The following MPDU1 variants were observed in gnomAD, a reference collection of about 807,000 sequenced individuals.
MPDU1 encodes the protein mannose-P-dolichol utilization defect 1, also known as mannose-P-dolichol utilization defect 1 protein.
MPDU1 carries 18 observed loss-of-function variants against 27.6 expected under a neutral mutation model. The observed-to-expected ratio is 0.65, with a 90% confidence interval of 0.45 to 0.97. The LOEUF is 0.97. Ranked by LOEUF, MPDU1 falls within the 50% of genes least tolerant of loss-of-function variation. The pLI is 0.00. For missense variants in MPDU1, 279 were observed against 297.4 expected, an observed-to-expected ratio of 0.94 and a Z score of 0.46; for synonymous variants, 142 against 131.1, an observed-to-expected ratio of 1.08 and a Z score of -0.57.
chr17:7,586,105 G>A (rs1188380051), intron 3 of MPDU1, 27 bp downstream of exon 3: 1 of 1,612,324 alleles, frequency 6.2e-7, no homozygotes, highest in East Asian at 2.2e-5. Flanking sequence ...TCCACCCCAA[G>A]GGTAATACCC....
chr17:7,584,517 G>A (rs2071547977), intron 1 of MPDU1, among the ~76,000 whole-genome samples: 1 of 152,176 alleles, frequency 6.6e-6, no homozygotes, highest in African/African-American at 2.4e-5. Flanking sequence ...TTGAGCTCGT[G>A]GGGCACTTTG....
At chr17:7,584,265 T>A (rs930575937) in intron 1 of MPDU1, 1 of 590,080 alleles carries the variant, frequency 1.7e-6, no homozygotes, top group Non-Finnish European at 3.0e-6. Flanking sequence ...CATGCCAACC[T>A]TTATTAGATC....
Position 7,587,061 on chromosome 17 carries a change from G to C in MPDU1, c.507+44G>C, listed in dbSNP as rs2302661. ...GGACAAGATGTTGTGGGGGCAGGGTGGGGGGGAAGAGTAGAAGATCAAAGT... is the reference window on the plus strand; with the variant it reads ...GGACAAGATGTTGTGGGGGCAGGGTCGGGGGGAAGAGTAGAAGATCAAAGT... On this transcript the variant is annotated intron_variant, in intron 5 of 6. Transcript: ENST00000250124. The C allele has an allele frequency of 0.56, 814,810 of 1,451,628 alleles. 238,653 individuals are homozygous for C. The highest frequency in any genetic ancestry group is 0.64 in the Middle Eastern group (3,692 of 5,778). 89.9% of individuals were successfully genotyped at this position (1,451,628 alleles called of 1,614,324 possible).
intron 1 of MPDU1, among the ~76,000 whole-genome samples, chr17:7,585,143 A>G (rs533035634): frequency 6.6e-6 from 1 of 152,326 alleles, no homozygotes; most frequent in Admixed American, 6.5e-5. Flanking sequence ...GAAGCAATGG[A>G]GAGCCGTGGA....
At chr17:7,584,713 C>T (rs1282223609) in intron 1 of MPDU1, among the ~76,000 whole-genome samples, 1 of 152,136 alleles carries the variant, frequency 6.6e-6, no homozygotes, top group Non-Finnish European at 1.5e-5. Flanking sequence ...TGGTATGGGG[C>T]GGGCACGGTG....
intron 1 of MPDU1, 164 bp from the exon 2 acceptor site, chr17:7,585,568 C>T: frequency 3.1e-6 from 2 of 640,834 alleles, no homozygotes; most frequent in Non-Finnish European, 5.5e-6. Flanking sequence ...TGGTTTGGAG[C>T]AGGAAGGACC....
intron 5 of MPDU1, 50 bp downstream of exon 5, chr17:7,587,067 G>GGGCA: frequency 1.9e-6 from 2 of 1,041,342 alleles, no homozygotes; most frequent in Non-Finnish European, 2.9e-6. Context: ...GGGTGGGGGG[G>GGGCA]AAGAGTAGAA....
Position 7,586,741 on chromosome 17 carries a change from T to A in MPDU1, c.352T>A (p.Phe118Ile). 6.2e-7 allele frequency: 1 copy of A among 1,614,172 alleles called. No homozygotes were observed. Among genetic ancestry groups the A allele is most frequent in the South Asian group, 1.1e-5 (1 of 91,084 alleles). Reference sequence around the variant, plus strand: ...GATGCTCCAGACGATCACCATCTGCTTCCTGGTCATGCACTACAGAGGACA... The same window carrying A: ...GATGCTCCAGACGATCACCATCTGCATCCTGGTCATGCACTACAGAGGACA... ...FLMLQTITICFLVMHYRGQTV... is the reference protein window; with the variant it reads ...FLMLQTITICILVMHYRGQTV... Residue 118 changes from phenylalanine (F) to isoleucine (I), a missense_variant, in exon 4 of 7, where the codon TTC becomes ATC. Coordinates refer to ENST00000250124, the MANE Select transcript of MPDU1 (RefSeq NM_004870.4).
At chr17:7,585,673 C>G (rs938000752) in intron 1 of MPDU1, 59 bp from the exon 2 acceptor site, 2 of 1,565,156 alleles carry the variant, frequency 1.3e-6, no homozygotes, top group African/African-American at 1.4e-5. Flanking sequence ...ACAGGAGCTT[C>G]AAGCCCTGGC....
At position 7,585,685 on chromosome 17, in the gene MPDU1, TG is replaced by T. The variant is rs773179006; in HGVS notation, c.104-44del. On this transcript the variant is annotated intron_variant, in intron 1 of 6. Transcript: ENST00000250124. ...CCCACAGGAGCTTCAAGCCCTGGCC[TG>T]GGTTTCAGACATCTCCTGTCTGCTT... The T allele has an allele frequency of 1.5e-5, 24 of 1,594,200 alleles. No individual in the cohort carries two copies. In the South Asian group the frequency reaches 2.5e-4, roughly 17 times the overall value.
Position 7,586,045 on chromosome 17 carries a change from T to C in MPDU1, c.269T>C (p.Met90Thr). 1 of 1,613,978 alleles carries C rather than the reference T, an allele frequency of 6.2e-7. No homozygotes were observed. Among genetic ancestry groups the C allele is most frequent in the Non-Finnish European group, 8.5e-7 (1 of 1,180,026 alleles). Residue 90 changes from methionine (M) to threonine (T), a missense_variant, in exon 3 of 7, where the codon ATG (methionine) becomes ACG (threonine). Physicochemically the swap from Met to Thr is moderately conservative, Grantham distance 81 (BLOSUM62 -1). Coordinates refer to ENST00000250124, the MANE Select transcript of MPDU1 (RefSeq NM_004870.4). ...GAGCTAGTGGCATTGACTGGGACCA[T>C]GGTCTACAGCATCACTAACAACTTC... ...MLELVALTGT[M>T]VYSITNNFPF...
rs1299092357 is a variant in MPDU1, at chr17:7,586,941, TTC to T, written c.436_437del (p.Ser146ThrfsTer155). On this transcript the variant is annotated frameshift_variant, in exon 5 of 7. Transcript: ENST00000250124. LOFTEE classifies it high-confidence loss of function. ...TGCTACGGCCTGGTCCTGCTGGTGCTTCTCTCACCTCTGACGCCCTTGACTGT... is the reference window on the plus strand; with the variant it reads ...TGCTACGGCCTGGTCCTGCTGGTGCTTCTCACCTCTGACGCCCTTGACTGT... The T allele has an allele frequency of 6.2e-7, 1 of 1,614,002 alleles. No homozygotes were observed. The highest frequency in any genetic ancestry group is 8.5e-7 in the Non-Finnish European group (1 of 1,179,988).
At chr17:7,583,722 T>C, upstream of MPDU1, 1 of 865,102 alleles carries the variant, frequency 1.2e-6, no homozygotes, top group Non-Finnish European at 2.0e-6. Flanking sequence ...AGAGTGAGGG[T>C]GGGTAGCGTC....
In MPDU1 at chr17:7,587,574, G is replaced by T. The variant is rs370530785; in HGVS notation, c.*23G>T. 1.5e-5 allele frequency: 25 copies of T among 1,613,406 alleles called. No homozygotes were observed. The highest frequency in any genetic ancestry group is 2.1e-5 in the Non-Finnish European group (25 of 1,179,790). On this transcript the variant is annotated 3_prime_UTR_variant, in exon 7 of 7. Coordinates refer to ENST00000250124, the MANE Select transcript of MPDU1 (RefSeq NM_004870.4). ...TAGAGCCAGCTACTGGAGTCATTCC[G>T]TTTCCACTCATTCACCCAACCTCAG...
At position 7,587,950 on chromosome 17, in the gene MPDU1, G is replaced by C. The variant is rs1289297756; in HGVS notation, c.*399G>C. 3 of 477,952 alleles carry C rather than the reference G, an allele frequency of 6.3e-6. No homozygotes were observed. Among genetic ancestry groups the C allele is most frequent in the Non-Finnish European group, 1.2e-5 (3 of 243,062 alleles). 29.6% of individuals were successfully genotyped at this position (477,952 alleles called of 1,614,324 possible). A position where few individuals can be genotyped will look rare whatever the true frequency, so the allele number is the denominator to read the frequency against. ...AAGACTGAGTCTGGACGGCAGAGTG[G>C]AGGGACTGGGAGGCTGTGGCTGCCT... On this transcript the variant is annotated 3_prime_UTR_variant, in exon 7 of 7. Coordinates refer to ENST00000250124, the MANE Select transcript of MPDU1 (RefSeq NM_004870.4).
At position 7,587,773 on chromosome 17, in the gene MPDU1, T is replaced by C. The variant is rs2071609677; in HGVS notation, c.*222T>C. ...AGTCTCCCAAGCCAAAATTTTGACA[T>C]TTGAGTGCTTTCGTAAGCCCTGTAC... is the stretch of plus-strand genomic sequence containing the variant. On this transcript the variant is annotated 3_prime_UTR_variant, in exon 7 of 7. Transcript: ENST00000250124. 1.5e-6 allele frequency: 1 copy of C among 670,328 alleles called. No individual in the cohort carries two copies. Among genetic ancestry groups the C allele is most frequent in the Non-Finnish European group, 2.7e-6 (1 of 371,612 alleles). The allele number at this position is 670,328 out of a possible 1,614,324, so 41.5% of individuals were successfully genotyped here. A position where few individuals can be genotyped will look rare whatever the true frequency, so the allele number is the denominator to read the frequency against.
intron 1 of MPDU1, among the ~76,000 whole-genome samples, chr17:7,585,196 T>G: frequency 6.6e-6 from 1 of 151,690 alleles, no homozygotes; most frequent in East Asian, 1.9e-4. Context: ...GAATGGAAGA[T>G]TGGATGTGGG....
chr17:7,583,956 T>C lies in MPDU1; in HGVS notation c.94T>C (p.Leu32=). The C allele has an allele frequency of 7.4e-6, 12 of 1,614,046 alleles. No homozygotes were observed. Among genetic ancestry groups the C allele is most frequent in the Non-Finnish European group, 1.0e-5 (12 of 1,179,996 alleles). ...CGACCAACTTTTCGTTCAGTGGGAC[T>C]TGCTTCACGGTGAGTTTTATTCAGC... is the stretch of plus-strand genomic sequence containing the variant. ...CYDQLFVQWD[L]LHVPCLKILL... The change falls in exon 1 of 7, where the codon TTG becomes CTG. Residue 32 remains leucine, a synonymous_variant. Coordinates refer to ENST00000250124, the MANE Select transcript of MPDU1 (RefSeq NM_004870.4).
chr17:7,585,594 C>A, intron 1 of MPDU1, 138 bp from the exon 2 acceptor site: 1 of 768,576 alleles, frequency 1.3e-6, no homozygotes. Context: ...TTTCTCACTG[C>A]CCTCCGCCTC....
Sources: allele counts gnomAD v4.1 joint callset (sites outside exome capture counted in the v4.1 genomes callset), GRCh38; gene constraint gnomAD v4.1.1; transcripts MANE v1.5; gene names NCBI Gene and HGNC (gene_info 2026-07-23, HGNC 2026-07-21).